MCTP1: variants seen among roughly 807,000 people sequenced by gnomAD.
MCTP1 encodes the protein multiple C2 and transmembrane domain containing 1.
MCTP1 carries 69 observed loss-of-function variants against 120.6 expected under a neutral mutation model. The ratio of observed to expected loss-of-function variants is 0.57; its 90% CI spans 0.47 to 0.70. The LOEUF is 0.70. Ranked by LOEUF, MCTP1 falls within the 30% of genes least tolerant of loss-of-function variation. The probability of loss-of-function intolerance (pLI) is 0.00; values close to 1 mark genes in which losing one functional copy is unlikely to be tolerated. For missense variants in MCTP1, 1,203 were observed against 1,248.8 expected (o/e 0.96, Z 0.55); for synonymous variants, 529 against 493.1 (o/e 1.07, Z -0.96).
intron 10 of MCTP1, among the ~76,000 whole-genome samples, chr5:94,902,970 C>G (rs919997757): frequency 4.6e-5 from 7 of 152,112 alleles, no homozygotes; most frequent in Non-Finnish European, 8.8e-5. Context: ...TGAGTACAGC[C>G]TTTCTGAGAA....
intron 17 of MCTP1, among the ~76,000 whole-genome samples, chr5:94,848,433 A>T (rs1720496136): frequency 6.6e-6 from 1 of 151,872 alleles, no homozygotes; most frequent in Admixed American, 6.6e-5. Context: ...ACCACTTAAG[A>T]TGTGAATATT....
chr5:95,258,495 T>C (rs550905953), intron 1 of MCTP1, among the ~76,000 whole-genome samples: 6 of 152,298 alleles, frequency 3.9e-5, no homozygotes, highest in Middle Eastern at 3.4e-3. Flanking sequence ...AAATGTAATA[T>C]AGTATCTTAG....
chr5:94,829,916 C>T (rs1188541522), intron 17 of MCTP1, among the ~76,000 whole-genome samples: 2 of 152,180 alleles, frequency 1.3e-5, no homozygotes. Flanking sequence ...CTTGTATCAT[C>T]CACTGCTTTG....
chr5:94,757,336 C>G (rs1770146762), intron 19 of MCTP1, among the ~76,000 whole-genome samples: 1 of 152,146 alleles, frequency 6.6e-6, no homozygotes, highest in South Asian at 2.1e-4. Flanking sequence ...GATACCAAGG[C>G]AGACCTCAAC....
intron 1 of MCTP1, among the ~76,000 whole-genome samples, chr5:95,272,124 G>A (rs1178424284): frequency 6.6e-6 from 1 of 152,092 alleles, no homozygotes; most frequent in Non-Finnish European, 1.5e-5. Flanking sequence ...GAAAGAGTAG[G>A]CATGTGCATA....
intron 17 of MCTP1, among the ~76,000 whole-genome samples, chr5:94,842,998 C>T (rs1272015396): frequency 3.3e-5 from 5 of 151,876 alleles, no homozygotes; most frequent in Non-Finnish European, 7.4e-5. Flanking sequence ...AATGAGAAAA[C>T]ATTCTTGATT....
intron 17 of MCTP1, among the ~76,000 whole-genome samples, chr5:94,829,619 G>A (rs77358800): frequency 0.011 from 1,640 of 152,004 alleles, 39 homozygotes; most frequent in African/African-American, 0.037. Context: ...CAACAGGATG[G>A]GAATAGAAGG....
intron 1 of MCTP1, among the ~76,000 whole-genome samples, chr5:95,109,528 A>G (rs1757311700): frequency 6.6e-6 from 1 of 152,178 alleles, no homozygotes; most frequent in African/African-American, 2.4e-5. Flanking sequence ...TTTAAATTAC[A>G]GAGTTTTCTA....
intron 1 of MCTP1, among the ~76,000 whole-genome samples, chr5:95,124,098 G>C (rs1224482322): frequency 6.6e-6 from 1 of 152,154 alleles, no homozygotes; most frequent in African/African-American, 2.4e-5. Flanking sequence ...TACCCAACCT[G>C]GAGCCTGAGA....
chr5:94,776,590 C>T (rs566295532), intron 19 of MCTP1, among the ~76,000 whole-genome samples: 4 of 152,274 alleles, frequency 2.6e-5, no homozygotes, highest in African/African-American at 9.6e-5. Flanking sequence ...GGCTTTGGCA[C>T]ATTTATTAAT....
intron 2 of MCTP1, among the ~76,000 whole-genome samples, chr5:94,984,952 A>C (rs1830191190): frequency 6.6e-6 from 1 of 152,218 alleles, no homozygotes; most frequent in South Asian, 2.1e-4. Flanking sequence ...TTTACATCCA[A>C]TTTAATATGA....
At chr5:95,128,395 T>G (rs890722324) in intron 1 of MCTP1, among the ~76,000 whole-genome samples, 2 of 152,200 alleles carry the variant, frequency 1.3e-5, no homozygotes, top group African/African-American at 4.8e-5. Flanking sequence ...GCATTATGTA[T>G]AACAGCCAAA....
intron 19 of MCTP1, among the ~76,000 whole-genome samples, chr5:94,731,667 T>C (rs1763152653): frequency 6.6e-6 from 1 of 152,234 alleles, no homozygotes; most frequent in South Asian, 2.1e-4. Context: ...ATTTTGAACC[T>C]TCTGGTTTGT....
At chr5:95,120,497 G>A (rs11748740) in intron 1 of MCTP1, among the ~76,000 whole-genome samples, 30,600 of 152,050 alleles carry the variant, frequency 0.2, 3,271 homozygotes, top group East Asian at 0.33. Context: ...TGACCAAGTG[G>A]GATTTATCCC....
At chr5:94,887,982 A>G (rs1239252243) in intron 12 of MCTP1, among the ~76,000 whole-genome samples, 1 of 152,202 alleles carries the variant, frequency 6.6e-6, no homozygotes, top group East Asian at 1.9e-4. Context: ...TTGTTACCTC[A>G]TTAGGATTAT....
At position 94,965,530 on chromosome 5, in the gene MCTP1, T is replaced by TA. The variant is rs1825371421; in HGVS notation, c.839-12170_839-12169insT. On this transcript the variant is annotated intron_variant, in intron 2 of 22. Coordinates refer to ENST00000515393, the MANE Select transcript of MCTP1 (RefSeq NM_024717.7). Reference sequence around the variant, plus strand: ...TTTTTGTGTGTGTGGATGGTTTTTTTTATCAGTCTTTCTGTGACTGGACAA... The same window carrying TA: ...TTTTTGTGTGTGTGGATGGTTTTTTTATATCAGTCTTTCTGTGACTGGACAA... Among the ~76,000 whole-genome samples the TA allele has an allele frequency of 3.7e-5, 4 of 109,254 alleles. No individual in the cohort carries two copies. The South Asian group carries it at 9.1e-4, about 25-fold the overall frequency. 71.7% of individuals were successfully genotyped at this position (109,254 alleles called of 152,430 possible). A position where few individuals can be genotyped will look rare whatever the true frequency, so the allele number is the denominator to read the frequency against.
intron 1 of MCTP1, among the ~76,000 whole-genome samples, chr5:95,184,508 C>T (rs1234689522): frequency 1.3e-5 from 2 of 152,170 alleles, no homozygotes; most frequent in Non-Finnish European, 2.9e-5. Context: ...TGTCCTTGTT[C>T]ATTCCCGGGT....
At chr5:94,794,104 G>T (rs1456211543) in intron 18 of MCTP1, among the ~76,000 whole-genome samples, 2 of 152,196 alleles carry the variant, frequency 1.3e-5, no homozygotes, top group Non-Finnish European at 2.9e-5. Context: ...ATGAGTCAGA[G>T]AATGATTTCA....
intron 1 of MCTP1, among the ~76,000 whole-genome samples, chr5:95,243,485 G>A (rs1231384087): frequency 6.6e-6 from 1 of 152,178 alleles, no homozygotes; most frequent in African/African-American, 2.4e-5. Flanking sequence ...AAGTAGTGTT[G>A]AGAAATAAGA....
Sources: allele counts gnomAD v4.1 joint callset (sites outside exome capture counted in the v4.1 genomes callset), GRCh38; gene constraint gnomAD v4.1.1; transcripts MANE v1.5; gene names NCBI Gene and HGNC (gene_info 2026-07-23, HGNC 2026-07-21).